PRKAR1A: variants seen among roughly 807,000 people sequenced by gnomAD.
PRKAR1A encodes protein kinase cAMP-dependent type I regulatory subunit alpha.
In PRKAR1A, 3 loss-of-function variants were observed where a neutral mutation model predicts 52.0. The ratio of observed to expected loss-of-function variants is 0.06; its 90% CI spans 0.03 to 0.15. The LOEUF (loss-of-function observed/expected upper bound fraction) is 0.15. Ranked by LOEUF, PRKAR1A falls within the 10% of genes least tolerant of loss-of-function variation. The pLI is 1.00. For synonymous variants in PRKAR1A, 188 were observed against 168.4 expected, an observed-to-expected ratio of 1.12 and a Z score of -0.90; for missense variants, 240 against 477.4, an observed-to-expected ratio of 0.50 and a Z score of 4.63.
At chr17:68,429,893 G>A in the PRKAR1A span, 1 of 1,552,072 alleles carries the variant, frequency 6.4e-7, no homozygotes, top group East Asian at 2.3e-5. Context: ...CCAGCCTGGG[G>A]CAAGTTTTCT....
At chr17:68,420,403 C>A in the PRKAR1A span, 1 of 1,614,188 alleles carries the variant, frequency 6.2e-7, no homozygotes, top group Admixed American at 1.7e-5. Context: ...ACACTCAGGA[C>A]CCTTCAGTAA....
intron 9 of PRKAR1A, 132 bp from the exon 10 acceptor site, chr17:68,529,788 T>C: frequency 2.3e-6 from 2 of 868,726 alleles, no homozygotes; most frequent in East Asian, 2.5e-5. Flanking sequence ...GCTCATGTGG[T>C]GACTAACTTT....
At chr17:68,471,862 G>A in the PRKAR1A span, among the ~76,000 whole-genome samples, 10 of 151,854 alleles carry the variant, frequency 6.6e-5, 1 homozygote, top group South Asian at 4.1e-4. Context: ...GTGCAGTGGC[G>A]CGATCTCGGC....
chr17:68,476,807 T>C, the PRKAR1A span, among the ~76,000 whole-genome samples: 1 of 151,872 alleles, frequency 6.6e-6, no homozygotes, highest in Non-Finnish European at 1.5e-5. Context: ...GGACTACAGG[T>C]GTGTGCCACC....
the PRKAR1A span, among the ~76,000 whole-genome samples, chr17:68,505,710 A>T: frequency 1.3e-5 from 2 of 152,004 alleles, no homozygotes; most frequent in African/African-American, 4.8e-5. Context: ...CTACTCAGGA[A>T]GCTGGGATAG....
At chr17:68,436,327 A>G in the PRKAR1A span, 6 of 1,541,316 alleles carry the variant, frequency 3.9e-6, no homozygotes, top group Admixed American at 1.7e-5. Flanking sequence ...ATCTCCTTCC[A>G]TGACCACACA....
Position 68,515,386 on chromosome 17 carries a change from T to C in PRKAR1A, c.-6-8T>C. ...TTATACAAGCATGTGTGTGTTTTTTTCTCGCAGAGAACCATGGAGTCTGGC... is the reference window on the plus strand; with the variant it reads ...TTATACAAGCATGTGTGTGTTTTTTCCTCGCAGAGAACCATGGAGTCTGGC... On this transcript the variant is annotated splice_polypyrimidine_tract_variant and splice_region_variant and intron_variant, in intron 1 of 10. Transcript: ENST00000589228. 6.2e-7 allele frequency: 1 copy of C among 1,612,902 alleles called. No homozygotes were observed. Among genetic ancestry groups the C allele is most frequent in the Non-Finnish European group, 8.5e-7 (1 of 1,180,038 alleles).
the PRKAR1A span, among the ~76,000 whole-genome samples, chr17:68,489,744 C>T: frequency 2.0e-5 from 3 of 151,160 alleles, no homozygotes; most frequent in African/African-American, 4.9e-5. Context: ...TTAGTAGAGA[C>T]GGGGTTTCGC....
chr17:68,529,098 A>G, intron 9 of PRKAR1A, 107 bp downstream of exon 9: 1 of 1,332,758 alleles, frequency 7.5e-7, no homozygotes, highest in Non-Finnish European at 1.1e-6. Context: ...CTAATTCTGA[A>G]CTATAGCTTT....
intron 8 of PRKAR1A, among the ~76,000 whole-genome samples, chr17:68,528,282 G>C (rs940628482): frequency 6.6e-6 from 1 of 152,164 alleles, no homozygotes; most frequent in Non-Finnish European, 1.5e-5. Flanking sequence ...GTTAGAACTT[G>C]TTCTTCATGA....
chr17:68,532,649 T>C lies in PRKAR1A; in HGVS notation c.*2200T>C. 1 of 1,066,406 alleles carries C rather than the reference T, an allele frequency of 9.4e-7. No individual in the cohort carries two copies. The highest frequency in any genetic ancestry group is 1.1e-6 in the Non-Finnish European group (1 of 879,686). The allele number at this position is 1,066,406 out of a possible 1,614,324, so 66.1% of individuals were successfully genotyped here. A position where few individuals can be genotyped will look rare whatever the true frequency, so the allele number is the denominator to read the frequency against. On this transcript the variant is annotated 3_prime_UTR_variant, in exon 11 of 11. Transcript: ENST00000589228. ...AAGTATAGATGGCCAAAGGACCGTT[T>C]TGTATTGCTTCCTGATTACCAGTCT...
chr17:68,488,863 G>A, the PRKAR1A span, among the ~76,000 whole-genome samples: 710 of 151,898 alleles, frequency 4.7e-3, 7 homozygotes, highest in African/African-American at 0.016. Flanking sequence ...GGAACTGGAT[G>A]TCAGGCTCCC....
chr17:68,417,733 ATTTTTTTTTTTTT>A, the PRKAR1A span, among the ~76,000 whole-genome samples: 21 of 60,832 alleles, frequency 3.5e-4, no homozygotes, highest in South Asian at 9.2e-4. Flanking sequence ...GAGTTGCTGA[ATTTTTTTTTTTTT>A]TTTTTTTTTT....
chr17:68,417,132 G>A, the PRKAR1A span, among the ~76,000 whole-genome samples: 1 of 152,130 alleles, frequency 6.6e-6, no homozygotes, highest in African/African-American at 2.4e-5. Context: ...TAGTTTTGGT[G>A]AGCCTGGGCC....
At chr17:68,501,581 G>T in the PRKAR1A span, among the ~76,000 whole-genome samples, 1 of 152,090 alleles carries the variant, frequency 6.6e-6, no homozygotes, top group Non-Finnish European at 1.5e-5. Context: ...TCAGCTTCCT[G>T]TGTAGCTAGG....
intron 2 of PRKAR1A, 51 bp downstream of exon 2, chr17:68,515,627 T>G: frequency 6.5e-7 from 1 of 1,548,700 alleles, no homozygotes; most frequent in Non-Finnish European, 8.9e-7. Flanking sequence ...GTTGTTACAT[T>G]TAATAACTGG....
chr17:68,535,648 A>C (rs1306237150), downstream of PRKAR1A: 1 of 452,292 alleles, frequency 2.2e-6, no homozygotes, highest in Non-Finnish European at 4.4e-6. Flanking sequence ...TTTCTCTGTT[A>C]AAGAGTTGAT....
the PRKAR1A span, among the ~76,000 whole-genome samples, chr17:68,429,649 C>T: frequency 1.3e-5 from 2 of 152,088 alleles, no homozygotes; most frequent in African/African-American, 4.8e-5. Flanking sequence ...AGTGCAGTGG[C>T]ATGATCTCGG....
At chr17:68,434,080 T>C in the PRKAR1A span, among the ~76,000 whole-genome samples, 1 of 152,042 alleles carries the variant, frequency 6.6e-6, no homozygotes, top group Non-Finnish European at 1.5e-5. Context: ...CATAGTCTTA[T>C]TTATGTGAGA....
Sources: allele counts gnomAD v4.1 joint callset (sites outside exome capture counted in the v4.1 genomes callset), GRCh38; gene constraint gnomAD v4.1.1; transcripts MANE v1.5; gene names NCBI Gene and HGNC (gene_info 2026-07-23, HGNC 2026-07-21).